Variants in TNR observed in about 807,000 individuals in gnomAD.
TNR encodes the protein tenascin-R.
A neutral mutation model predicts 150.4 loss-of-function variants in TNR; 45 were observed. The observed-to-expected ratio is 0.30, with a 90% CI of 0.24 to 0.38. The LOEUF is 0.38. Among genes scored for constraint, TNR ranks in the 10% least tolerant of loss-of-function variants. TNR has a pLI of 1.00. For missense variants in TNR, 1,544 were observed against 1,759.1 expected (o/e 0.88, Z 2.19); for synonymous variants, 687 against 678.4 (o/e 1.01, Z -0.20).
chr1:175,398,331 C>A (rs897051387), intron 4 of TNR, among the ~76,000 whole-genome samples: 1 of 151,990 alleles, frequency 6.6e-6, no homozygotes, highest in African/African-American at 2.4e-5. Flanking sequence ...AAATGTTGAC[C>A]AAAACAAAAA....
intron 1 of TNR, among the ~76,000 whole-genome samples, chr1:175,636,302 T>G (rs1346951151): frequency 2.0e-5 from 3 of 152,234 alleles, no homozygotes; most frequent in Admixed American, 6.5e-5. Flanking sequence ...TACTTTGTTC[T>G]AAGTCCTTTA....
intron 2 of TNR, among the ~76,000 whole-genome samples, chr1:175,415,336 G>T (rs528601700): frequency 6.6e-6 from 1 of 152,132 alleles, no homozygotes; most frequent in African/African-American, 2.4e-5. Context: ...CTCCATCAGC[G>T]CTGGGCCTTT....
chr1:175,401,447 G>T (rs1297837353), intron 4 of TNR, among the ~76,000 whole-genome samples: 1 of 152,094 alleles, frequency 6.6e-6, no homozygotes, highest in African/African-American at 2.4e-5. Flanking sequence ...TTTGGATTCA[G>T]AAACAATAAG....
chr1:175,621,171 T>C (rs73033309), intron 1 of TNR, among the ~76,000 whole-genome samples: 242 of 152,304 alleles, frequency 1.6e-3, no homozygotes, highest in African/African-American at 5.0e-3. Flanking sequence ...GCACTCAACA[T>C]GTATTGTGAC....
intron 2 of TNR, among the ~76,000 whole-genome samples, chr1:175,435,539 C>T (rs1005158500): frequency 2.1e-4 from 32 of 152,106 alleles, no homozygotes; most frequent in African/African-American, 6.3e-4. Flanking sequence ...GTTGAATATA[C>T]GAATCTGGAA....
At chr1:175,621,304 C>T (rs1663968593) in intron 1 of TNR, among the ~76,000 whole-genome samples, 1 of 152,178 alleles carries the variant, frequency 6.6e-6, no homozygotes, top group Non-Finnish European at 1.5e-5. Flanking sequence ...TCTAATGCCT[C>T]CTTACTGCCT....
At chr1:175,714,848 G>A (rs1290584854) in intron 1 of TNR, among the ~76,000 whole-genome samples, 2 of 152,182 alleles carry the variant, frequency 1.3e-5, no homozygotes, top group Non-Finnish European at 2.9e-5. Context: ...GGAGCCTTGT[G>A]AGGCTGCCTG....
At chr1:175,453,971 G>A (rs1232373624) in intron 2 of TNR, among the ~76,000 whole-genome samples, 1 of 152,134 alleles carries the variant, frequency 6.6e-6, no homozygotes, top group Non-Finnish European at 1.5e-5. Flanking sequence ...GGTGGACAGG[G>A]TGAATTTTTT....
At chr1:175,669,477 G>A (rs1295417786) in intron 1 of TNR, among the ~76,000 whole-genome samples, 1 of 152,178 alleles carries the variant, frequency 6.6e-6, no homozygotes, top group Non-Finnish European at 1.5e-5. Context: ...CCTCCACAGA[G>A]CGCCATTGCA....
chr1:175,597,686 G>A (rs1353147579), intron 1 of TNR, among the ~76,000 whole-genome samples: 1 of 152,174 alleles, frequency 6.6e-6, no homozygotes, highest in East Asian at 1.9e-4. Context: ...CCTTGCTGAG[G>A]GGTGTATTGG....
intron 1 of TNR, among the ~76,000 whole-genome samples, chr1:175,697,863 T>C (rs1197508050): frequency 6.6e-6 from 1 of 152,132 alleles, no homozygotes; most frequent in Admixed American, 6.5e-5. Flanking sequence ...GCCACTCCCA[T>C]CCTCATTTTG....
chr1:175,621,367 C>A (rs941626628), intron 1 of TNR, among the ~76,000 whole-genome samples: 1 of 152,162 alleles, frequency 6.6e-6, no homozygotes, highest in African/African-American at 2.4e-5. Flanking sequence ...CATGACCTGG[C>A]CCCATCTGAC....
intron 21 of TNR, among the ~76,000 whole-genome samples, chr1:175,328,569 C>T (rs75196936): frequency 0.033 from 4,998 of 152,248 alleles, 284 homozygotes; most frequent in African/African-American, 0.11. Flanking sequence ...GGCAGCCTAA[C>T]GGAAGCCTAG....
chr1:175,383,169 T>C (rs1486986106), intron 8 of TNR, among the ~76,000 whole-genome samples: 1 of 152,232 alleles, frequency 6.6e-6, no homozygotes, highest in Non-Finnish European at 1.5e-5. Context: ...ACAGTCATAT[T>C]GGCTTAGGGC....
intron 1 of TNR, among the ~76,000 whole-genome samples, chr1:175,650,297 C>G (rs773841442): frequency 3.9e-5 from 6 of 152,068 alleles, no homozygotes; most frequent in Non-Finnish European, 8.8e-5. Context: ...GCACGAGCAT[C>G]TCTTGAACCC....
chr1:175,514,700 A>T (rs1406206414), intron 2 of TNR, among the ~76,000 whole-genome samples: 2 of 152,230 alleles, frequency 1.3e-5, no homozygotes, highest in Non-Finnish European at 2.9e-5. Context: ...ATGCCTGAAC[A>T]GGCTTGATTT....
chr1:175,614,748 T>C (rs1389136935), intron 1 of TNR, among the ~76,000 whole-genome samples: 3 of 152,190 alleles, frequency 2.0e-5, no homozygotes, highest in African/African-American at 7.2e-5. Flanking sequence ...TTACAGCTTC[T>C]TGGAAGGGGA....
intron 1 of TNR, among the ~76,000 whole-genome samples, chr1:175,636,282 A>G (rs1664489816): frequency 6.6e-6 from 1 of 152,232 alleles, no homozygotes. Context: ...GCTAACACCT[A>G]CAGATGGTTT....
At chr1:175,723,837 C>T (rs1667407536) in intron 1 of TNR, among the ~76,000 whole-genome samples, 1 of 152,188 alleles carries the variant, frequency 6.6e-6, no homozygotes, top group Non-Finnish European at 1.5e-5. Context: ...CACCACTGTA[C>T]TCCAGCCTAG....
Sources: allele counts gnomAD v4.1 joint callset (sites outside exome capture counted in the v4.1 genomes callset), GRCh38; gene constraint gnomAD v4.1.1; transcripts MANE v1.5; gene names NCBI Gene and HGNC (gene_info 2026-07-23, HGNC 2026-07-21).